The following PDE1A variants were observed in gnomAD, a reference collection of about 807,000 sequenced individuals.
PDE1A encodes phosphodiesterase 1A.
A neutral mutation model predicts 61.7 loss-of-function variants in PDE1A; 35 were observed. The ratio of observed to expected loss-of-function variants is 0.57; its 90% CI spans 0.43 to 0.75. PDE1A has a LOEUF of 0.75. PDE1A is among the 30% of genes least tolerant of loss of function. The pLI, the probability that PDE1A is intolerant of heterozygous loss-of-function variation, is 0.00. For synonymous variants in PDE1A, 232 were observed against 213.2 expected (o/e 1.09, Z -0.77); for missense variants, 597 against 630.6 (o/e 0.95, Z 0.57).
intron 2 of PDE1A, among the ~76,000 whole-genome samples, chr2:182,442,606 G>C (rs910526420): frequency 6.6e-6 from 1 of 151,864 alleles, no homozygotes; most frequent in South Asian, 2.1e-4. Context: ...ATATTTATAT[G>C]CATGTTTAAT....
chr2:182,505,028 T>C (rs1005091315), intron 2 of PDE1A, among the ~76,000 whole-genome samples: 1 of 152,212 alleles, frequency 6.6e-6, no homozygotes, highest in African/African-American at 2.4e-5. Context: ...TGCCTCCAAA[T>C]TCAGTCAGCT....
the PDE1A span, chr2:182,716,493 GGC>G: frequency 3.3e-5 from 5 of 152,628 alleles, no homozygotes; most frequent in African/African-American, 9.6e-5. Context: ...GGTGGGCATG[GGC>G]CCGGGGCTAG....
intron 1 of PDE1A, among the ~76,000 whole-genome samples, chr2:182,306,481 C>T (rs62190531): frequency 6.6e-6 from 1 of 151,354 alleles, no homozygotes; most frequent in Non-Finnish European, 1.5e-5. Context: ...TGGAACCACA[C>T]ACACACACAC....
the PDE1A span, among the ~76,000 whole-genome samples, chr2:182,586,210 G>A: frequency 6.6e-6 from 1 of 152,012 alleles, no homozygotes; most frequent in Non-Finnish European, 1.5e-5. Context: ...AAAATTGAGT[G>A]ACAAAAATAT....
At chr2:182,301,931 C>A (rs1259665604) in intron 1 of PDE1A, among the ~76,000 whole-genome samples, 4 of 152,122 alleles carry the variant, frequency 2.6e-5, no homozygotes, top group South Asian at 4.1e-4. Context: ...AGAGGAGGGG[C>A]ATGATGATTA....
chr2:182,711,090 T>C, the PDE1A span, among the ~76,000 whole-genome samples: 1 of 151,820 alleles, frequency 6.6e-6, no homozygotes, highest in East Asian at 1.9e-4. Context: ...GTGAGGAGAG[T>C]GTTCATATAA....
At chr2:182,522,584 C>G (rs879889716) in intron 1 of PDE1A, 15 of 1,372,300 alleles carry the variant, frequency 1.1e-5, no homozygotes, top group African/African-American at 1.5e-5. Flanking sequence ...CACCACCCCC[C>G]TAAGCAGACA....
intron 1 of PDE1A, among the ~76,000 whole-genome samples, chr2:182,337,496 A>G (rs1304830595): frequency 6.6e-6 from 1 of 152,192 alleles, no homozygotes; most frequent in African/African-American, 2.4e-5. Context: ...GGTAAATAAC[A>G]TGTCATTTCA....
At chr2:182,563,206 T>G in the PDE1A span, among the ~76,000 whole-genome samples, 1 of 152,174 alleles carries the variant, frequency 6.6e-6, no homozygotes, top group Non-Finnish European at 1.5e-5. Flanking sequence ...GCTATAAATT[T>G]CCCTCTACAC....
the PDE1A span, among the ~76,000 whole-genome samples, chr2:182,704,071 C>T: frequency 2.0e-5 from 3 of 151,028 alleles, no homozygotes; most frequent in Non-Finnish European, 3.0e-5. Context: ...ATTATCTGGG[C>T]GTGGTGGCAG....
At chr2:182,704,996 G>T in the PDE1A span, among the ~76,000 whole-genome samples, 15 of 152,036 alleles carry the variant, frequency 9.9e-5, no homozygotes, top group African/African-American at 1.9e-4. Flanking sequence ...TATTTTTTTT[G>T]ATTCTTAGAT....
In PDE1A at chr2:182,441,602, C is replaced by G. The variant is rs566070851; in HGVS notation, c.101+80674G>C. Among the ~76,000 whole-genome samples the G allele has an allele frequency of 1.2e-4, 18 of 152,060 alleles. 1 individual carries two copies. The highest frequency in any genetic ancestry group is 4.3e-4 in the African/African-American group (18 of 41,512). On this transcript the variant is annotated intron_variant, in intron 2 of 14. Transcript: ENST00000410103. ...GCCACAACAGTAGCAATTAGCACACCTAGCACTCAAATTTTGTTTTCTATA... is the reference window on the plus strand; with the variant it reads ...GCCACAACAGTAGCAATTAGCACACGTAGCACTCAAATTTTGTTTTCTATA...
chr2:182,449,786 A>G (rs1379627412), intron 2 of PDE1A, among the ~76,000 whole-genome samples: 4 of 152,034 alleles, frequency 2.6e-5, no homozygotes, highest in Non-Finnish European at 5.9e-5. Context: ...AATTTTCTGA[A>G]TATCTCTCTG....
chr2:182,532,943 CTCAAAA>C, the PDE1A span, among the ~76,000 whole-genome samples: 1 of 5,652 alleles, frequency 1.8e-4, no homozygotes, highest in Non-Finnish European at 3.5e-4. Flanking sequence ...GAGACTCCGT[CTCAAAA>C]AAAAAAAAAA....
the PDE1A span, among the ~76,000 whole-genome samples, chr2:182,621,090 G>A: frequency 1.3e-5 from 2 of 152,032 alleles, no homozygotes; most frequent in African/African-American, 2.4e-5. Flanking sequence ...CCCTTCTGCC[G>A]AGATGCATAA....
the PDE1A span, among the ~76,000 whole-genome samples, chr2:182,552,467 C>CA: frequency 5.2e-5 from 4 of 77,022 alleles, no homozygotes; most frequent in African/African-American, 1.8e-4. Flanking sequence ...TTTTTTGAAA[C>CA]AGAGTGTCGC....
chr2:182,467,994 C>A (rs1478813255), intron 2 of PDE1A, among the ~76,000 whole-genome samples: 1 of 151,924 alleles, frequency 6.6e-6, no homozygotes, highest in Non-Finnish European at 1.5e-5. Flanking sequence ...TTTAAAAATT[C>A]TTTATTGCTA....
chr2:182,472,561 T>G (rs1166404469), intron 2 of PDE1A, among the ~76,000 whole-genome samples: 1 of 151,740 alleles, frequency 6.6e-6, no homozygotes, highest in Non-Finnish European at 1.5e-5. Flanking sequence ...TGAAAGGGTA[T>G]GAGGGATGAG....
chr2:182,214,109 A>T (rs1451347437), intron 7 of PDE1A, among the ~76,000 whole-genome samples: 10 of 150,816 alleles, frequency 6.6e-5, no homozygotes, highest in African/African-American at 2.2e-4. Flanking sequence ...GTGGGGGCCA[A>T]TATTCAACAT....
Sources: allele counts gnomAD v4.1 joint callset (sites outside exome capture counted in the v4.1 genomes callset), GRCh38; gene constraint gnomAD v4.1.1; transcripts MANE v1.5; gene names NCBI Gene and HGNC (gene_info 2026-07-23, HGNC 2026-07-21).